The following TMEM135 variants were observed in gnomAD, a reference collection of about 807,000 sequenced individuals.
TMEM135 encodes peroxisomal membrane protein 52.
TMEM135 carries 30 observed loss-of-function variants against 60.3 expected under a neutral mutation model. The ratio of observed to expected loss-of-function variants is 0.50; its 90% CI spans 0.37 to 0.68. The LOEUF (loss-of-function observed/expected upper bound fraction) is 0.68, where lower values mean the gene tolerates loss of function less well. TMEM135 is among the 30% of genes least tolerant of loss of function. The probability of loss-of-function intolerance (pLI) is 0.00; values close to 1 mark genes in which losing one functional copy is unlikely to be tolerated. For synonymous variants in TMEM135, 190 were observed against 186.7 expected, an observed-to-expected ratio of 1.02 and a Z score of -0.14; for missense variants, 468 against 548.8, an observed-to-expected ratio of 0.85 and a Z score of 1.47.
At chr11:87,316,035 C>T (rs1340559967) in intron 12 of TMEM135, among the ~76,000 whole-genome samples, 1 of 151,760 alleles carries the variant, frequency 6.6e-6, no homozygotes, top group Non-Finnish European at 1.5e-5. Context: ...TGTAATGGCT[C>T]CTAGTTTGTT....
intron 6 of TMEM135, among the ~76,000 whole-genome samples, chr11:87,279,302 C>T (rs1278117235): frequency 7.2e-5 from 11 of 151,914 alleles, no homozygotes; most frequent in African/African-American, 2.7e-4. Flanking sequence ...TTCTTTTTTT[C>T]TGTCTGTGGC....
intron 6 of TMEM135, among the ~76,000 whole-genome samples, chr11:87,274,137 A>G (rs890514166): frequency 1.3e-5 from 2 of 152,182 alleles, no homozygotes; most frequent in African/African-American, 2.4e-5. Context: ...TCAGGAAGCC[A>G]TTCCTTCCTA....
At chr11:87,221,762 C>T (rs1940621398) in intron 5 of TMEM135, among the ~76,000 whole-genome samples, 2 of 152,120 alleles carry the variant, frequency 1.3e-5, no homozygotes, top group African/African-American at 2.4e-5. Flanking sequence ...GATTTTCATC[C>T]CTATGTTTAT....
chr11:87,108,439 A>G (rs1182726285), intron 4 of TMEM135, among the ~76,000 whole-genome samples: 2 of 151,396 alleles, frequency 1.3e-5, no homozygotes, highest in Non-Finnish European at 2.9e-5. Flanking sequence ...TTCATTTTTC[A>G]TTTTATTTTT....
intron 5 of TMEM135, among the ~76,000 whole-genome samples, chr11:87,165,999 A>G (rs948450374): frequency 6.6e-6 from 1 of 150,628 alleles, no homozygotes; most frequent in South Asian, 2.1e-4. Context: ...GAAGAAATGG[A>G]TAAATTCCTT....
At chr11:87,253,188 T>G (rs1941454200) in intron 6 of TMEM135, among the ~76,000 whole-genome samples, 2 of 152,248 alleles carry the variant, frequency 1.3e-5, no homozygotes, top group African/African-American at 4.8e-5. Context: ...CTGTTGTCAT[T>G]TTTTTACCTG....
At chr11:87,242,858 G>T (rs937249615) in intron 6 of TMEM135, among the ~76,000 whole-genome samples, 17 of 147,886 alleles carry the variant, frequency 1.1e-4, no homozygotes, top group African/African-American at 4.2e-4. Context: ...TTAGTTTAAT[G>T]AGATCCCATT....
intron 6 of TMEM135, among the ~76,000 whole-genome samples, chr11:87,247,295 G>A (rs12808251): frequency 0.088 from 13,417 of 152,242 alleles, 753 homozygotes; most frequent in South Asian, 0.16. Context: ...GCTGCTCGGG[G>A]GTCAGGGGTC....
intron 4 of TMEM135, among the ~76,000 whole-genome samples, chr11:87,144,770 T>C (rs2135250200): frequency 6.6e-6 from 1 of 151,522 alleles, no homozygotes; most frequent in South Asian, 2.1e-4. Context: ...TTTTTTTATT[T>C]AGATTTTATA....
intron 6 of TMEM135, among the ~76,000 whole-genome samples, chr11:87,255,610 CTG>C (rs1485308368): frequency 2.0e-5 from 3 of 151,766 alleles, no homozygotes; most frequent in Non-Finnish European, 4.4e-5. Context: ...TGAGTAGACA[CTG>C]TACTCCAGCC....
intron 6 of TMEM135, among the ~76,000 whole-genome samples, chr11:87,277,826 C>G (rs907149222): frequency 1.6e-4 from 25 of 152,152 alleles, no homozygotes; most frequent in African/African-American, 5.8e-4. Context: ...CCGGCCAACT[C>G]TTAACATAAA....
intron 6 of TMEM135, among the ~76,000 whole-genome samples, chr11:87,244,460 G>A (rs1396686124): frequency 2.1e-5 from 2 of 95,888 alleles, no homozygotes; most frequent in African/African-American, 4.0e-5. Flanking sequence ...GGTAGAATTC[G>A]GCTGTGAATC....
rs540855696 is a variant in TMEM135 at position 87,108,421 on chromosome 11, A to G, written c.396+17026A>G. 4.5e-4 allele frequency among the ~76,000 whole-genome samples: 69 copies of G among 151,972 alleles called. 1 individual carries two copies. The highest frequency in any genetic ancestry group is 7.1e-4 in the Non-Finnish European group (48 of 67,926). On this transcript the variant is annotated intron_variant, in intron 4 of 14. Transcript: ENST00000305494. ...GTCTAACATTTAAGTCTTTAATCCA[A>G]TGTCTCTTTCATTTTTCATTTTATT...
chr11:87,086,629 G>C (rs1327445720), intron 3 of TMEM135, among the ~76,000 whole-genome samples: 1 of 152,072 alleles, frequency 6.6e-6, no homozygotes, highest in Non-Finnish European at 1.5e-5. Context: ...TTGCTGATTG[G>C]TTTGTGAGTA....
chr11:87,298,115 C>T (rs61904518), intron 7 of TMEM135, among the ~76,000 whole-genome samples: 16,090 of 152,078 alleles, frequency 0.11, 900 homozygotes, highest in South Asian at 0.15. Flanking sequence ...TCCTGGCGGT[C>T]GTGATTTTTA....
At position 87,098,888 on chromosome 11, in the gene TMEM135, C is replaced by A. The variant is rs149527004; in HGVS notation, c.396+7493C>A. ...TATTTTAAGTAGAGATGGGGTTTCACCATGTCAGCCAGGATGGTCTCGATC... is the reference window on the plus strand; with the variant it reads ...TATTTTAAGTAGAGATGGGGTTTCAACATGTCAGCCAGGATGGTCTCGATC... On this transcript the variant is annotated intron_variant, in intron 4 of 14. Coordinates refer to ENST00000305494, the MANE Select transcript of TMEM135 (RefSeq NM_022918.4). Among the ~76,000 whole-genome samples, 639 of 152,166 alleles carry A rather than the reference C, an allele frequency of 4.2e-3. 6 individuals are homozygous for A. The highest frequency in any genetic ancestry group is 0.015 in the African/African-American group (611 of 41,500).
chr11:87,146,783 G>A (rs1389811719), intron 4 of TMEM135, among the ~76,000 whole-genome samples: 5 of 151,964 alleles, frequency 3.3e-5, no homozygotes, highest in African/African-American at 1.2e-4. Context: ...CAGGCAGGTT[G>A]ATATTAACTG....
intron 1 of TMEM135, among the ~76,000 whole-genome samples, chr11:87,055,075 TG>T (rs1949880742): frequency 6.6e-6 from 1 of 152,162 alleles, no homozygotes; most frequent in Non-Finnish European, 1.5e-5. Context: ...CGAAATTATC[TG>T]TGGTAAGTGC....
chr11:87,161,567 G>T (rs558789514), intron 5 of TMEM135, among the ~76,000 whole-genome samples: 11 of 152,064 alleles, frequency 7.2e-5, no homozygotes, highest in East Asian at 5.8e-4. Context: ...CCATAGGAAG[G>T]CAGGATTTCA....
Sources: allele counts gnomAD v4.1 joint callset (sites outside exome capture counted in the v4.1 genomes callset), GRCh38; gene constraint gnomAD v4.1.1; transcripts MANE v1.5; gene names NCBI Gene and HGNC (gene_info 2026-07-23, HGNC 2026-07-21).